Variants in TRPM3 observed in about 807,000 individuals in gnomAD.
TRPM3 encodes long transient receptor potential channel 3.
TRPM3 carries 77 observed loss-of-function variants against 181.2 expected under a neutral mutation model. That is an observed-to-expected ratio of 0.42 (90% CI 0.35 to 0.51). TRPM3 has a LOEUF of 0.51. Among genes scored for constraint, TRPM3 ranks in the 20% least tolerant of loss-of-function variants. TRPM3 has a pLI of 0.01. For missense variants in TRPM3, 1,759 were observed against 2,196.7 expected, an observed-to-expected ratio of 0.80 and a Z score of 3.98; for synonymous variants, 745 against 796.4, an observed-to-expected ratio of 0.94 and a Z score of 1.09.
At chr9:70,867,253 A>G (rs1313610573) in intron 1 of TRPM3, among the ~76,000 whole-genome samples, 2 of 152,080 alleles carry the variant, frequency 1.3e-5, no homozygotes, top group African/African-American at 4.8e-5. Flanking sequence ...AAAGAAATGT[A>G]AGCACAAGAC....
At chr9:70,626,148 TA>T (rs1370081504) in intron 12 of TRPM3, among the ~76,000 whole-genome samples, 1 of 152,216 alleles carries the variant, frequency 6.6e-6, no homozygotes, top group Non-Finnish European at 1.5e-5. Context: ...GCAAAAATAG[TA>T]AAGATTTTCT....
intron 1 of TRPM3, among the ~76,000 whole-genome samples, chr9:71,436,379 T>C (rs2094038570): frequency 1.4e-5 from 2 of 143,948 alleles, no homozygotes; most frequent in Non-Finnish European, 1.5e-5. Flanking sequence ...CTCGGCTCAC[T>C]GCAATCTCTG....
intron 19 of TRPM3, among the ~76,000 whole-genome samples, chr9:70,606,688 G>C (rs2061222128): frequency 6.6e-6 from 1 of 150,742 alleles, no homozygotes; most frequent in African/African-American, 2.4e-5. Flanking sequence ...GTAAGGTTTA[G>C]CAACCTGTAT....
intron 1 of TRPM3, among the ~76,000 whole-genome samples, chr9:71,201,513 A>G (rs1286054699): frequency 6.6e-6 from 1 of 152,192 alleles, no homozygotes; most frequent in Non-Finnish European, 1.5e-5. Flanking sequence ...AGGTACACCA[A>G]TCAGACGTAG....
At chr9:71,266,976 T>A (rs111747541) in intron 1 of TRPM3, among the ~76,000 whole-genome samples, 14 of 145,852 alleles carry the variant, frequency 9.6e-5, no homozygotes, top group African/African-American at 2.1e-4. Context: ...AAAAAAAAAA[T>A]GTCATACCAA....
intron 1 of TRPM3, among the ~76,000 whole-genome samples, chr9:71,265,636 A>G (rs908932256): frequency 6.6e-6 from 1 of 152,210 alleles, no homozygotes; most frequent in Non-Finnish European, 1.5e-5. Context: ...GTTCAAGCCT[A>G]TGTTAATTGC....
intron 1 of TRPM3, among the ~76,000 whole-genome samples, chr9:71,352,915 G>C (rs2091721797): frequency 6.6e-6 from 1 of 151,960 alleles, no homozygotes; most frequent in African/African-American, 2.4e-5. Flanking sequence ...TGGGGCCTCA[G>C]AACCACCTGC....
chr9:70,541,566 GA>G (rs2043368770), intron 25 of TRPM3, among the ~76,000 whole-genome samples: 1 of 149,390 alleles, frequency 6.7e-6, no homozygotes, highest in African/African-American at 2.5e-5. Context: ...GGCTGGAGTG[GA>G]GTGGTGCGAT....
At chr9:71,020,517 A>C (rs1357964835) in intron 1 of TRPM3, among the ~76,000 whole-genome samples, 1 of 152,124 alleles carries the variant, frequency 6.6e-6, no homozygotes, top group East Asian at 1.9e-4. Context: ...GACAGTTTTA[A>C]GAAAATAGAA....
intron 1 of TRPM3, among the ~76,000 whole-genome samples, chr9:70,956,215 C>T (rs989726942): frequency 6.7e-6 from 1 of 150,248 alleles, no homozygotes; most frequent in African/African-American, 2.4e-5. Context: ...AAATGGAGAG[C>T]TTGGACAGTT....
chr9:71,082,211 C>T (rs192560312), intron 1 of TRPM3, among the ~76,000 whole-genome samples: 6 of 152,228 alleles, frequency 3.9e-5, no homozygotes, highest in Admixed American at 3.9e-4. Context: ...AGTGCATTTT[C>T]CTTGGTAGTT....
chr9:71,303,791 AT>A (rs1323266856), intron 1 of TRPM3, among the ~76,000 whole-genome samples: 1 of 152,182 alleles, frequency 6.6e-6, no homozygotes, highest in African/African-American at 2.4e-5. Flanking sequence ...AAGGTGTTAC[AT>A]TATTTTAAAT....
intron 1 of TRPM3, among the ~76,000 whole-genome samples, chr9:71,382,375 T>C (rs2092820978): frequency 6.6e-6 from 1 of 152,102 alleles, no homozygotes; most frequent in Non-Finnish European, 1.5e-5. Flanking sequence ...TTTCTTGTAC[T>C]TTACAGGTAA....
intron 21 of TRPM3, among the ~76,000 whole-genome samples, chr9:70,597,704 AT>A (rs1044111562): frequency 6.6e-6 from 1 of 152,050 alleles, no homozygotes; most frequent in Non-Finnish European, 1.5e-5. Flanking sequence ...GTTACTTGGG[AT>A]TTTTTCTTCA....
chr9:71,015,601 T>C (rs759548309), intron 1 of TRPM3, among the ~76,000 whole-genome samples: 10 of 152,228 alleles, frequency 6.6e-5, no homozygotes, highest in African/African-American at 1.9e-4. Flanking sequence ...AGAAGACTTA[T>C]TCTGTTTTGA....
At chr9:71,091,044 CTAAAT>C (rs2066125107) in intron 1 of TRPM3, among the ~76,000 whole-genome samples, 2 of 152,016 alleles carry the variant, frequency 1.3e-5, no homozygotes, top group South Asian at 4.1e-4. Context: ...TTTTTCTGTT[CTAAAT>C]TAAATTGTAC....
chr9:71,289,278 G>A (rs2132255953), intron 1 of TRPM3, among the ~76,000 whole-genome samples: 1 of 152,198 alleles, frequency 6.6e-6, no homozygotes, highest in South Asian at 2.1e-4. Flanking sequence ...GATACTGAGA[G>A]TATGTCAAAG....
intron 1 of TRPM3, among the ~76,000 whole-genome samples, chr9:71,109,726 G>A (rs774289997): frequency 5.3e-5 from 8 of 151,962 alleles, no homozygotes; most frequent in Non-Finnish European, 1.2e-4. Flanking sequence ...GAAGAGAGAC[G>A]GTAACAGGGG....
At chr9:71,212,476 A>G (rs2079568144) in intron 1 of TRPM3, among the ~76,000 whole-genome samples, 1 of 152,186 alleles carries the variant, frequency 6.6e-6, no homozygotes, top group South Asian at 2.1e-4. Flanking sequence ...CCAAGGGAAT[A>G]TACTGAGTCA....
Sources: allele counts gnomAD v4.1 joint callset (sites outside exome capture counted in the v4.1 genomes callset), GRCh38; gene constraint gnomAD v4.1.1; transcripts MANE v1.5; gene names NCBI Gene and HGNC (gene_info 2026-07-23, HGNC 2026-07-21).